Variants in RALGAPA1 observed in about 807,000 individuals in gnomAD.
The protein encoded by RALGAPA1 is ral GTPase-activating protein subunit alpha-1.
A neutral mutation model predicts 269.6 loss-of-function variants in RALGAPA1; 52 were observed. The observed-to-expected ratio is 0.19, with a 90% confidence interval of 0.15 to 0.24. The LOEUF (loss-of-function observed/expected upper bound fraction) is 0.24. RALGAPA1 is among the 10% of genes least tolerant of loss of function. RALGAPA1 has a pLI of 1.00. For missense variants in RALGAPA1, 1,917 were observed against 3,013.9 expected, an observed-to-expected ratio of 0.64 and a Z score of 8.52; for synonymous variants, 817 against 1,008.3, an observed-to-expected ratio of 0.81 and a Z score of 3.60.
chr14:35,619,807 G>A (rs1033598008), intron 35 of RALGAPA1, among the ~76,000 whole-genome samples: 1 of 152,126 alleles, frequency 6.6e-6, no homozygotes, highest in Non-Finnish European at 1.5e-5. Context: ...GGAAGAAGTT[G>A]AATCTCCGAA....
At chr14:35,541,703 C>T in intron 41 of RALGAPA1, 1 of 456,548 alleles carries the variant, frequency 2.2e-6, no homozygotes, top group Non-Finnish European at 4.4e-6. Flanking sequence ...GCATATCATT[C>T]CCGGCCATCA....
intron 36 of RALGAPA1, among the ~76,000 whole-genome samples, chr14:35,598,845 T>C (rs1236469225): frequency 1.3e-5 from 2 of 152,252 alleles, no homozygotes; most frequent in African/African-American, 4.8e-5. Flanking sequence ...CATGTAATTA[T>C]TGACAGGTTA....
chr14:35,803,568 T>C (rs1188397744), intron 1 of RALGAPA1, among the ~76,000 whole-genome samples: 4 of 151,292 alleles, frequency 2.6e-5, no homozygotes, highest in Admixed American at 2.0e-4. Context: ...GCCCAAAGAC[T>C]GGGGAAAAAA....
intron 37 of RALGAPA1, among the ~76,000 whole-genome samples, chr14:35,587,636 G>A (rs764126845): frequency 1.1e-4 from 17 of 151,332 alleles, no homozygotes; most frequent in East Asian, 1.9e-4. Flanking sequence ...ACCAAACACC[G>A]CATGTTCTCA....
At chr14:35,792,041 G>C (rs4611366) in intron 1 of RALGAPA1, among the ~76,000 whole-genome samples, 1 of 151,016 alleles carries the variant, frequency 6.6e-6, no homozygotes, top group East Asian at 1.9e-4. Context: ...TCAACACTTA[G>C]CTGAAAAGGG....
intron 31 of RALGAPA1, among the ~76,000 whole-genome samples, chr14:35,641,384 C>A (rs1048888024): frequency 1.3e-5 from 2 of 151,964 alleles, no homozygotes; most frequent in Non-Finnish European, 2.9e-5. Flanking sequence ...TGATAAACAA[C>A]GTCAAATTCA....
At chr14:35,655,608 A>G (rs34604064) in intron 29 of RALGAPA1, among the ~76,000 whole-genome samples, 199 bp downstream of exon 29, 4,895 of 152,188 alleles carry the variant, frequency 0.032, 130 homozygotes, top group Non-Finnish European at 0.044. Flanking sequence ...AAGTTGAGAT[A>G]AAAATGGGTC....
intron 35 of RALGAPA1, 29 bp downstream of exon 35, chr14:35,625,332 A>G: frequency 6.9e-7 from 1 of 1,446,216 alleles, no homozygotes; most frequent in African/African-American, 1.4e-5. Context: ...GAGAGTTGCT[A>G]GTTATGTGAA....
intron 35 of RALGAPA1, among the ~76,000 whole-genome samples, chr14:35,609,128 G>A (rs891244682): frequency 1.3e-5 from 2 of 152,006 alleles, no homozygotes; most frequent in Non-Finnish European, 2.9e-5. Flanking sequence ...TTGGGAGGCT[G>A]AGGCAGGAGA....
At chr14:35,757,119 A>ATT (rs201089890) in intron 6 of RALGAPA1, among the ~76,000 whole-genome samples, 1 of 144,878 alleles carries the variant, frequency 6.9e-6, no homozygotes, top group Non-Finnish European at 1.5e-5. Flanking sequence ...TATTATTATT[A>ATT]TTTTTTTTTT....
At chr14:35,752,765 C>T (rs1002259295) in intron 7 of RALGAPA1, among the ~76,000 whole-genome samples, 1 of 151,990 alleles carries the variant, frequency 6.6e-6, no homozygotes, top group African/African-American at 2.4e-5. Flanking sequence ...GTACTGGAAC[C>T]CAATCAAGTT....
chr14:35,604,690 G>A lies in RALGAPA1; in HGVS notation c.7053+896C>T, dbSNP rs145428845. ...AATAATTTTTATCAAAAGTTTAAAT[G>A]GTAGCCAAGGATACAATTTCCAGTG... On this transcript the variant is annotated intron_variant, in intron 36 of 41. Coordinates refer to ENST00000680220, the MANE Select transcript of RALGAPA1 (RefSeq NM_001346249.2). Among the ~76,000 whole-genome samples, 198 of 152,080 alleles carry A rather than the reference G, an allele frequency of 1.3e-3. 2 individuals carry two copies. Among genetic ancestry groups the A allele is most frequent in the East Asian group, 0.012 (63 of 5,178 alleles).
At chr14:35,683,209 G>A (rs2065616811) in intron 21 of RALGAPA1, among the ~76,000 whole-genome samples, 1 of 152,066 alleles carries the variant, frequency 6.6e-6, no homozygotes, top group Non-Finnish European at 1.5e-5. Context: ...CACTAACATT[G>A]CAATAATGTG....
At chr14:35,778,489 G>C (rs2075209666) in intron 1 of RALGAPA1, among the ~76,000 whole-genome samples, 1 of 152,104 alleles carries the variant, frequency 6.6e-6, no homozygotes, top group African/African-American at 2.4e-5. Context: ...AAAGAACAAT[G>C]TTTCAAATGT....
Position 35,689,668 on chromosome 14 carries a change from T to A in RALGAPA1, c.2743A>T (p.Ile915Leu). ...DSIYDHLCHLIGPVELADSAF... is the reference protein window; with the variant it reads ...DSIYDHLCHLLGPVELADSAF... Reference sequence around the variant, plus strand: ...GAATCTGCAAGTTCTACTGGACCTATTAAATGACAAAGATGGTCATATATG... The same window carrying A: ...GAATCTGCAAGTTCTACTGGACCTAATAAATGACAAAGATGGTCATATATG... The change falls in exon 18 of 42, where the codon ATA (isoleucine) becomes TTA (leucine). Residue 915 changes from isoleucine to leucine, a missense_variant. This residue lies in a region of RALGAPA1 where 615 missense variants were observed against 790.0 expected (regional missense o/e 0.78). Transcript: ENST00000680220. The A allele has an allele frequency of 7.5e-7, 1 of 1,325,156 alleles. No homozygotes were observed. Among genetic ancestry groups the A allele is most frequent in the East Asian group, 3.0e-5 (1 of 33,196 alleles). 82.1% of individuals were successfully genotyped at this position (1,325,156 alleles called of 1,614,324 possible).
chr14:35,700,007 T>C (rs1455717687), intron 17 of RALGAPA1, among the ~76,000 whole-genome samples, 155 bp downstream of exon 17: 2 of 151,836 alleles, frequency 1.3e-5, no homozygotes, highest in Admixed American at 1.3e-4. Context: ...AGAGTTCAAA[T>C]AACTCAAAAT....
chr14:35,564,510 A>G (rs2056541335), intron 39 of RALGAPA1: 1 of 152,190 alleles, frequency 6.6e-6, no homozygotes. Flanking sequence ...AGCTTGAGGG[A>G]GAATAAACTG....
Position 35,655,929 on chromosome 14 carries a change from A to G in RALGAPA1, c.5388-14T>C, listed in dbSNP as rs2063146656. The G allele has an allele frequency of 6.2e-7, 1 of 1,612,912 alleles. No individual in the cohort carries two copies. The highest frequency in any genetic ancestry group is 2.2e-5 in the East Asian group (1 of 44,724). Reference sequence around the variant, plus strand: ...AGTGCTACACATCTGCAAAAAAGGCAAACAACAACGGTTACATAAAATGAA... The same window carrying G: ...AGTGCTACACATCTGCAAAAAAGGCGAACAACAACGGTTACATAAAATGAA... On this transcript the variant is annotated splice_polypyrimidine_tract_variant and intron_variant, in intron 28 of 41. Coordinates refer to ENST00000680220, the MANE Select transcript of RALGAPA1 (RefSeq NM_001346249.2).
intron 7 of RALGAPA1, among the ~76,000 whole-genome samples, chr14:35,753,681 TG>T (rs1244024900): frequency 1.3e-5 from 2 of 151,384 alleles, no homozygotes; most frequent in Non-Finnish European, 2.9e-5. Context: ...GCCATAGGGG[TG>T]GGGATGAAAG....
Sources: allele counts gnomAD v4.1 joint callset (sites outside exome capture counted in the v4.1 genomes callset), GRCh38; gene constraint gnomAD v4.1.1; regional missense constraint gnomAD v4.1.1; transcripts MANE v1.5; gene names NCBI Gene and HGNC (gene_info 2026-07-23, HGNC 2026-07-21).